ANKRD44: variants seen among roughly 807,000 people sequenced by gnomAD.
The protein encoded by ANKRD44 is ankyrin repeat domain 44.
A neutral mutation model predicts 116.0 loss-of-function variants in ANKRD44; 35 were observed. The ratio of observed to expected loss-of-function variants is 0.30; its 90% confidence interval spans 0.23 to 0.40. The LOEUF (loss-of-function observed/expected upper bound fraction) is 0.40. Among genes scored for constraint, ANKRD44 ranks in the 10% least tolerant of loss-of-function variants. ANKRD44 has a pLI of 1.00. For missense variants in ANKRD44, 1,014 were observed against 1,242.6 expected, an observed-to-expected ratio of 0.82 and a Z score of 2.77; for synonymous variants, 435 against 461.8, an observed-to-expected ratio of 0.94 and a Z score of 0.74.
intron 1 of ANKRD44, among the ~76,000 whole-genome samples, chr2:197,214,165 T>C (rs1442212225): frequency 6.6e-6 from 1 of 152,220 alleles, no homozygotes; most frequent in Admixed American, 6.5e-5. Context: ...AAGATTTATG[T>C]TCAGGGTGTA....
In ANKRD44 at chr2:197,094,036, T is replaced by A. The variant is rs578244394; in HGVS notation, c.1101-4004A>T. Among the ~76,000 whole-genome samples, 21 of 152,324 alleles carry A rather than the reference T, an allele frequency of 1.4e-4. No homozygotes were observed. In the East Asian group the frequency reaches 3.7e-3, roughly 27 times the overall value. ...TCCTACCCAGTTATTTCAGAATAAA[T>A]GAGGTCTGCAGGCCTGTCTTGCAGA... is the stretch of plus-strand genomic sequence containing the variant. On this transcript the variant is annotated intron_variant, in intron 10 of 27. Coordinates refer to ENST00000282272, the MANE Select transcript of ANKRD44 (RefSeq NM_001195144.2).
At chr2:197,250,320 G>A (rs981918312) in intron 1 of ANKRD44, among the ~76,000 whole-genome samples, 6 of 152,178 alleles carry the variant, frequency 3.9e-5, no homozygotes, top group Admixed American at 3.3e-4. Flanking sequence ...ATATCTCCCT[G>A]CACCTGTTTC....
At chr2:196,978,518 C>T (rs1156467544) in intron 21 of ANKRD44, among the ~76,000 whole-genome samples, 1 of 152,144 alleles carries the variant, frequency 6.6e-6, no homozygotes, top group African/African-American at 2.4e-5. Context: ...CAAAGAGCCA[C>T]ATAGTGTATT....
intron 1 of ANKRD44, among the ~76,000 whole-genome samples, chr2:197,195,757 G>C (rs535909038): frequency 6.6e-6 from 1 of 152,248 alleles, no homozygotes; most frequent in South Asian, 2.1e-4. Flanking sequence ...CTTGATCGCT[G>C]AATTTAAATC....
chr2:197,102,664 A>T (rs563468374), intron 9 of ANKRD44, among the ~76,000 whole-genome samples: 1 of 152,192 alleles, frequency 6.6e-6, no homozygotes, highest in African/African-American at 2.4e-5. Context: ...GTCCTTAAAC[A>T]TATACACAAT....
intron 17 of ANKRD44, chr2:197,015,496 C>A (rs2076374659): frequency 4.2e-6 from 2 of 478,454 alleles, no homozygotes; most frequent in Middle Eastern, 3.2e-4. Flanking sequence ...CCATTCTATA[C>A]AAGAGATGCA....
intron 15 of ANKRD44, among the ~76,000 whole-genome samples, chr2:197,080,491 T>C (rs1052355105): frequency 6.6e-6 from 1 of 152,128 alleles, no homozygotes; most frequent in African/African-American, 2.4e-5. Flanking sequence ...GTCCCCTCCC[T>C]CTCTATCAGC....
intron 4 of ANKRD44, among the ~76,000 whole-genome samples, chr2:197,131,716 C>T (rs940975870): frequency 2.6e-5 from 4 of 152,134 alleles, no homozygotes; most frequent in African/African-American, 9.7e-5. Flanking sequence ...GCACATAGGC[C>T]ACAGCAGCCT....
chr2:197,207,835 T>C (rs1019830202), intron 1 of ANKRD44, among the ~76,000 whole-genome samples: 1 of 152,110 alleles, frequency 6.6e-6, no homozygotes, highest in African/African-American at 2.4e-5. Context: ...AAAACAGAAA[T>C]GAGGAAGACA....
intron 18 of ANKRD44, among the ~76,000 whole-genome samples, chr2:197,011,919 C>T (rs112348456): frequency 2.3e-4 from 35 of 152,214 alleles, no homozygotes; most frequent in Non-Finnish European, 5.0e-4. Flanking sequence ...TCAGCTTTGT[C>T]TCAGACCAGC....
At chr2:197,281,945 G>A (rs906583822) in intron 1 of ANKRD44, among the ~76,000 whole-genome samples, 4 of 152,172 alleles carry the variant, frequency 2.6e-5, no homozygotes, top group Non-Finnish European at 4.4e-5. Flanking sequence ...CACGTAAGAT[G>A]ATTCTGGTAT....
intron 13 of ANKRD44, among the ~76,000 whole-genome samples, chr2:197,085,557 C>T (rs1438250636): frequency 6.6e-6 from 1 of 152,146 alleles, no homozygotes; most frequent in Non-Finnish European, 1.5e-5. Flanking sequence ...CCCACCAAAA[C>T]CAAGAAGGCA....
rs376998047 is a variant in ANKRD44 at position 197,147,120 on chromosome 2, G to A, written c.112-15C>T. 5.6e-6 allele frequency: 9 copies of A among 1,612,034 alleles called. No individual in the cohort carries two copies. The highest frequency in any genetic ancestry group is 1.3e-5 in the African/African-American group (1 of 74,860). ...TTCTCAGAATCCTGAAATACACAAC[G>A]TCAAAGACATACAACAGGTCAGTGG... On this transcript the variant is annotated splice_polypyrimidine_tract_variant and intron_variant, in intron 2 of 27. Coordinates refer to ENST00000282272, the MANE Select transcript of ANKRD44 (RefSeq NM_001195144.2).
At position 197,017,810 on chromosome 2, in the gene ANKRD44, C is replaced by T. The variant is rs76107531; in HGVS notation, c.1723-4098G>A. ...AACCTTACAGTTGTCTTTGTCTTCC[C>T]TCCTGTTAAACCCAGGGCTATTGCC... is the stretch of plus-strand genomic sequence containing the variant. On this transcript the variant is annotated intron_variant, in intron 17 of 27. Coordinates refer to ENST00000282272, the MANE Select transcript of ANKRD44 (RefSeq NM_001195144.2). Among the ~76,000 whole-genome samples, 504 of 152,332 alleles carry T rather than the reference C, an allele frequency of 3.3e-3. 4 individuals carry two copies. The highest frequency in any genetic ancestry group is 0.012 in the African/African-American group (487 of 41,570).
chr2:197,217,788 A>T (rs1296277583), intron 1 of ANKRD44, among the ~76,000 whole-genome samples: 1 of 152,198 alleles, frequency 6.6e-6, no homozygotes, highest in Non-Finnish European at 1.5e-5. Context: ...CCGTTAAATG[A>T]ATGAGTTGGA....
rs192216013 is a variant in ANKRD44, at chr2:197,036,349, C to A, written c.1651-11082G>T. 5.3e-3 allele frequency among the ~76,000 whole-genome samples: 806 copies of A among 152,232 alleles called. 3 individuals carry two copies. The highest frequency in any genetic ancestry group is 0.01 in the Middle Eastern group (3 of 294). On this transcript the variant is annotated intron_variant, in intron 16 of 27. Transcript: ENST00000282272. ...TCTCAGCTCACTGCAACCTCCACCT[C>A]CCAGGTTCAAGTGATTCTCCTGCCT...
intron 27 of ANKRD44, chr2:196,990,951 A>C: frequency 1.6e-6 from 2 of 1,232,102 alleles, no homozygotes; most frequent in Non-Finnish European, 2.0e-6. Context: ...CAGACAAGGC[A>C]GTGGTTAGTC....
chr2:197,201,973 C>T lies in ANKRD44; in HGVS notation c.28-14867G>A, dbSNP rs1162446620. Among the ~76,000 whole-genome samples the T allele has an allele frequency of 6.6e-6, 1 of 152,188 alleles. No individual in the cohort carries two copies. The highest frequency in any genetic ancestry group is 2.4e-5 in the African/African-American group (1 of 41,440). On this transcript the variant is annotated intron_variant, in intron 1 of 27. Transcript: ENST00000282272. The surrounding 1 kb of genome is among the most constrained non-coding windows in gnomAD (Gnocchi z 4.0). ...TAACATTCCAAGGGTTTAAAATGCA[C>T]AATACAATCATAGTTCTTTTGAGAT...
intron 1 of ANKRD44, among the ~76,000 whole-genome samples, chr2:197,187,597 C>T (rs1006945863): frequency 1.3e-5 from 2 of 151,792 alleles, no homozygotes; most frequent in East Asian, 3.9e-4. Context: ...CCAATAGGAC[C>T]GGTGTCTTCA....
Sources: allele counts gnomAD v4.1 joint callset (sites outside exome capture counted in the v4.1 genomes callset), GRCh38; gene constraint gnomAD v4.1.1; non-coding constraint Gnocchi (gnomAD v3.1); transcripts MANE v1.5; gene names NCBI Gene and HGNC (gene_info 2026-07-23, HGNC 2026-07-21).